The following KBTBD12 variants were observed in gnomAD, a reference collection of about 807,000 sequenced individuals.
KBTBD12 encodes the protein kelch repeat and BTB domain containing 12.
KBTBD12 carries 53 observed loss-of-function variants against 58.7 expected under a neutral mutation model. That is an observed-to-expected ratio of 0.90 (90% CI 0.72 to 1.14). The LOEUF (loss-of-function observed/expected upper bound fraction) is 1.14, where lower values mean the gene tolerates loss of function less well. Among genes scored for constraint, KBTBD12 ranks in the 50% most tolerant of loss-of-function variants. KBTBD12 has a pLI of 0.00. For synonymous variants in KBTBD12, 236 were observed against 259.8 expected, an observed-to-expected ratio of 0.91 and a Z score of 0.88; for missense variants, 704 against 751.3, an observed-to-expected ratio of 0.94 and a Z score of 0.74.
intron 2 of KBTBD12, among the ~76,000 whole-genome samples, chr3:127,926,086 T>A (rs1428344673): frequency 6.6e-6 from 1 of 152,190 alleles, no homozygotes; most frequent in Non-Finnish European, 1.5e-5. Flanking sequence ...GTCTTTAAAC[T>A]ATCAATCTCT....
chr3:127,924,495 G>GT (rs2107589587), intron 2 of KBTBD12, among the ~76,000 whole-genome samples: 1 of 151,500 alleles, frequency 6.6e-6, no homozygotes, highest in East Asian at 1.9e-4. Context: ...AGTTAAATGT[G>GT]TTTGTTATGA....
chr3:127,956,975 A>T (rs112952858), intron 4 of KBTBD12, among the ~76,000 whole-genome samples: 19 of 152,366 alleles, frequency 1.2e-4, no homozygotes, highest in African/African-American at 3.4e-4. Context: ...CAGTTCACTA[A>T]GGCAGAGAAG....
At chr3:127,963,419 C>A in intron 5 of KBTBD12, 33 bp downstream of exon 5, 1 of 1,530,958 alleles carries the variant, frequency 6.5e-7, no homozygotes, top group Non-Finnish European at 8.8e-7. Flanking sequence ...TTTGTTACCT[C>A]CTTTGGTGTT....
rs369260884 is a variant in KBTBD12, at chr3:127,917,675, T to G, written c.-113+2089T>G. Among the ~76,000 whole-genome samples, 41 of 152,310 alleles carry G rather than the reference T, an allele frequency of 2.7e-4. 1 individual carries two copies. The highest frequency in any genetic ancestry group is 9.4e-4 in the African/African-American group (39 of 41,550). ...GTGTACAGAAAGGTATTTATCACTT[T>G]GGAGATTCCAAGGATTTTAGGAGTT... On this transcript the variant is annotated intron_variant, in intron 1 of 5. Transcript: ENST00000405109.
In KBTBD12 at chr3:127,923,333, A is replaced by G. The variant is rs1442069704; in HGVS notation, c.272A>G (p.Asn91Ser). 2 of 1,613,828 alleles carry G rather than the reference A, an allele frequency of 1.2e-6. No homozygotes were observed. Among genetic ancestry groups the G allele is most frequent in the Admixed American group, 1.7e-5 (1 of 59,998 alleles). The change falls in exon 2 of 6, where the codon AAT becomes AGT. Residue 91 changes from asparagine (N) to serine (S), a missense_variant. Asn to Ser is a conservative substitution (Grantham distance 46). Transcript: ENST00000405109. ...TCGGTGTTATTAAATTACATGTACA[A>G]TGCAGCTTTGGAGATCAATAATGCC... ...SVSVLLNYMY[N>S]AALEINNANV...
In KBTBD12 at chr3:127,915,381, C is replaced by G. The variant is rs1216117918; in HGVS notation, c.-318C>G. ...TCTCGGGCCACTTCCAAGCAGAGGG[C>G]AGCACCTGTCCCCTCGGAGGCGCTG... On this transcript the variant is annotated 5_prime_UTR_variant, in exon 1 of 6. Coordinates refer to ENST00000405109, the MANE Select transcript of KBTBD12 (RefSeq NM_207335.4). The G allele has an allele frequency of 6.5e-6, 1 of 152,810 alleles. No individual in the cohort carries two copies. Among genetic ancestry groups the G allele is most frequent in the African/African-American group, 2.4e-5 (1 of 41,474 alleles). 9.5% of individuals were successfully genotyped at this position (152,810 alleles called of 1,614,324 possible).
In KBTBD12 at chr3:127,923,529, A is replaced by C; in HGVS notation, c.468A>C (p.Leu156Phe). The change falls in exon 2 of 6, where the codon TTA becomes TTC. Residue 156 changes from leucine to phenylalanine, a missense_variant. Transcript: ENST00000405109. ...EDLSDRSKKY[L>F]YQHFAEVSLH... ...TATCTGATCGATCAAAGAAATATTT[A>C]TATCAGCACTTTGCCGAGGTGAGCT... The C allele has an allele frequency of 6.2e-7, 1 of 1,612,334 alleles. No individual in the cohort carries two copies. Among genetic ancestry groups the C allele is most frequent in the Non-Finnish European group, 8.5e-7 (1 of 1,179,316 alleles).
intron 4 of KBTBD12, among the ~76,000 whole-genome samples, chr3:127,959,754 G>A (rs964517806): frequency 6.6e-6 from 1 of 152,220 alleles, no homozygotes; most frequent in Admixed American, 6.5e-5. Flanking sequence ...TTACATGGTT[G>A]CCTAATAAGT....
At chr3:127,940,561 T>C in intron 4 of KBTBD12, among the ~76,000 whole-genome samples, 1 of 152,106 alleles carries the variant, frequency 6.6e-6, no homozygotes, top group East Asian at 1.9e-4. Flanking sequence ...GTTCGAAGAG[T>C]ACTGCTAAAG....
intron 1 of KBTBD12, among the ~76,000 whole-genome samples, chr3:127,917,432 A>C (rs569840517): frequency 6.6e-5 from 10 of 152,228 alleles, no homozygotes; most frequent in African/African-American, 2.4e-4. Context: ...ATGTTCAGCT[A>C]TCCTGGAAGC....
chr3:127,923,271 G>C lies in KBTBD12; in HGVS notation c.210G>C (p.Arg70Ser). Residue 70 changes from arginine (R) to serine (S), a missense_variant, in exon 2 of 6, where the codon AGG becomes AGC. Physicochemically the swap from Arg to Ser is moderately radical, Grantham distance 110. Transcript: ENST00000405109. Reference protein sequence around the residue: ...FTCGLLECNQREVILYDITAE... With the variant: ...FTCGLLECNQSEVILYDITAE... ...GTGGACTACTTGAATGTAATCAAAG[G>C]GAAGTCATACTTTATGACATCACAG... The C allele has an allele frequency of 6.2e-7, 1 of 1,613,648 alleles. No individual in the cohort carries two copies. The highest frequency in any genetic ancestry group is 8.5e-7 in the Non-Finnish European group (1 of 1,179,692).
At chr3:127,964,317 C>T (rs1252411954) in intron 5 of KBTBD12, among the ~76,000 whole-genome samples, 1 of 152,048 alleles carries the variant, frequency 6.6e-6, no homozygotes, top group Non-Finnish European at 1.5e-5. Flanking sequence ...TGCCTTCACT[C>T]TTTAAGCACA....
intron 4 of KBTBD12, among the ~76,000 whole-genome samples, chr3:127,935,404 ATAAAG>A (rs1363428009): frequency 6.6e-6 from 1 of 152,198 alleles, no homozygotes; most frequent in African/African-American, 2.4e-5. Context: ...ATAGAGGATG[ATAAAG>A]TAAAATACAT....
At chr3:127,964,001 A>G (rs969885509) in intron 5 of KBTBD12, among the ~76,000 whole-genome samples, 2 of 152,170 alleles carry the variant, frequency 1.3e-5, no homozygotes, top group African/African-American at 4.8e-5. Context: ...ACCTTTTTCC[A>G]TATATCTAAT....
chr3:127,923,588 A>G lies in KBTBD12; in HGVS notation c.527A>G (p.Gln176Arg), dbSNP rs750902018. ...HEEILEIEVH[Q>R]FLTLIKSDDL... Reference sequence around the variant, plus strand: ...GAAATACTAGAAATCGAAGTGCACCAATTTTTGACACTTATTAAATCAGAT... The same window carrying G: ...GAAATACTAGAAATCGAAGTGCACCGATTTTTGACACTTATTAAATCAGAT... Residue 176 changes from glutamine (Q) to arginine (R), a missense_variant, in exon 2 of 6, where the codon CAA becomes CGA. By Grantham distance (43) the Gln-to-Arg change is conservative (BLOSUM62 1). Coordinates refer to ENST00000405109, the MANE Select transcript of KBTBD12 (RefSeq NM_207335.4). 12 of 1,613,592 alleles carry G rather than the reference A, an allele frequency of 7.4e-6. No homozygotes were observed. The South Asian group carries it at 1.1e-4, about 15-fold the overall frequency.
At chr3:127,960,233 G>A (rs1306798066) in intron 4 of KBTBD12, among the ~76,000 whole-genome samples, 4 of 152,104 alleles carry the variant, frequency 2.6e-5, no homozygotes, top group Non-Finnish European at 5.9e-5. Flanking sequence ...CCCACAGAGA[G>A]GAGAGAATCT....
chr3:127,932,822 T>G (rs1005947140), intron 4 of KBTBD12, among the ~76,000 whole-genome samples: 2 of 152,192 alleles, frequency 1.3e-5, no homozygotes, highest in Non-Finnish European at 2.9e-5. Context: ...TTCTGTTTAT[T>G]GAGCCCCTTT....
At position 127,963,195 on chromosome 3, in the gene KBTBD12, T is replaced by G. The variant is rs1940481065; in HGVS notation, c.1499T>G (p.Ile500Ser). 1 of 1,601,212 alleles carries G rather than the reference T, an allele frequency of 6.2e-7. No homozygotes were observed. Among genetic ancestry groups the G allele is most frequent in the Admixed American group, 1.7e-5 (1 of 58,774 alleles). Residue 500 changes from isoleucine to serine, a missense_variant, in exon 5 of 6, where the codon ATT becomes AGT. Ile to Ser is a moderately radical substitution (Grantham distance 142). Transcript: ENST00000405109. The part of the protein sequence containing the change: ...VNSEIYVLGG[I>S]GCVGQDKGQV... ...TCCACATAATTCTCTGCAGGTGGCA[T>G]TGGCTGTGTAGGTCAAGACAAGGGC...
At chr3:127,977,054 T>C (rs1033234801) in intron 5 of KBTBD12, among the ~76,000 whole-genome samples, 1 of 152,198 alleles carries the variant, frequency 6.6e-6, no homozygotes, top group African/African-American at 2.4e-5. Flanking sequence ...ACATGTGTAC[T>C]CAATGTTTAG....
Sources: gnomAD v4.1 joint callset for allele counts (sites outside exome capture counted in the v4.1 genomes callset) on GRCh38, gnomAD v4.1.1 for gene constraint, MANE v1.5 for transcripts, NCBI Gene and HGNC (gene_info 2026-07-23, HGNC 2026-07-21) for gene names.